Variants in EGLN1 observed in about 807,000 individuals in gnomAD.
EGLN1 encodes the protein egl nine homolog 1.
Under a neutral mutation model 38.3 loss-of-function variants are expected in EGLN1, and 17 were observed. That is an observed-to-expected ratio of 0.44 (90% CI 0.30 to 0.67). The LOEUF is 0.67. Among genes scored for constraint, EGLN1 ranks in the 30% least tolerant of loss-of-function variants. The pLI, the probability that EGLN1 is intolerant of heterozygous loss-of-function variation, is 0.08. For synonymous variants in EGLN1, 283 were observed against 257.5 expected, an observed-to-expected ratio of 1.10 and a Z score of -0.95; for missense variants, 477 against 603.3, an observed-to-expected ratio of 0.79 and a Z score of 2.19.
chr1:231,370,316 G>A (rs889651238), intron 3 of EGLN1, among the ~76,000 whole-genome samples: 10 of 152,186 alleles, frequency 6.6e-5, no homozygotes, highest in African/African-American at 2.4e-4. Context: ...GAAGGCCTGT[G>A]CTTCCCTTTC....
chr1:231,373,891 G>T, intron 2 of EGLN1, 89 bp downstream of exon 2: 1 of 1,487,044 alleles, frequency 6.7e-7, no homozygotes, highest in Non-Finnish European at 9.3e-7. Flanking sequence ...AACTGTGTCT[G>T]TGACAGTCTT....
intron 1 of EGLN1, among the ~76,000 whole-genome samples, chr1:231,382,495 T>C (rs1051119551): frequency 1.3e-5 from 2 of 152,236 alleles, no homozygotes; most frequent in African/African-American, 4.8e-5. Flanking sequence ...ACATAGTGGA[T>C]ATTAGAAATT....
At position 231,364,819 on chromosome 1, in the gene EGLN1, A is replaced by C. The variant is rs1045900864; in HGVS notation, c.*1592T>G. On this transcript the variant is annotated 3_prime_UTR_variant, in exon 5 of 5. Transcript: ENST00000366641. ...CCTAAGTGGGCAAGGTCTTACACCCATAATTCACGCAAAATATGGATACCA... is the reference window on the plus strand; with the variant it reads ...CCTAAGTGGGCAAGGTCTTACACCCCTAATTCACGCAAAATATGGATACCA... The C allele has an allele frequency of 6.6e-6, 1 of 152,238 alleles. No individual in the cohort carries two copies. The highest frequency in any genetic ancestry group is 1.5e-5 in the Non-Finnish European group (1 of 68,030). The allele number at this position is 152,238 out of a possible 1,614,324, so 9.4% of individuals were successfully genotyped here. A position where few individuals can be genotyped will look rare whatever the true frequency, so the allele number is the denominator to read the frequency against.
At chr1:231,411,273 G>A (rs1558395828) in intron 1 of EGLN1, among the ~76,000 whole-genome samples, 2 of 152,112 alleles carry the variant, frequency 1.3e-5, no homozygotes, top group African/African-American at 4.8e-5. Flanking sequence ...GCCTCCTTCT[G>A]TCACGTAAGA....
At chr1:231,412,257 G>A (rs535150111) in intron 1 of EGLN1, among the ~76,000 whole-genome samples, 2 of 152,114 alleles carry the variant, frequency 1.3e-5, no homozygotes, top group East Asian at 1.9e-4. Context: ...ATAGTCATGT[G>A]TATCATACAG....
chr1:231,421,285 TGCACG>T lies in EGLN1; in HGVS notation c.599_603del (p.Pro200HisfsTer45). 1 of 1,613,378 alleles carries T rather than the reference TGCACG, an allele frequency of 6.2e-7. No homozygotes were observed. Among genetic ancestry groups the T allele is most frequent in the Non-Finnish European group, 8.5e-7 (1 of 1,179,952 alleles). ...ACCACACAGATGCCGTGCTTGTTCA[TGCACG>T]GCACGATGTACTCGAGCGCCAGCTT... On this transcript the variant is annotated frameshift_variant, in exon 1 of 5. Coordinates refer to ENST00000366641, the MANE Select transcript of EGLN1 (RefSeq NM_022051.3). LOFTEE classifies it high-confidence loss of function. This position sits in a 1 kb window ranked among gnomAD's most constrained non-coding sequence, Gnocchi z 5.5.
intron 1 of EGLN1, among the ~76,000 whole-genome samples, chr1:231,404,499 C>T (rs1430492909): frequency 6.6e-6 from 1 of 151,868 alleles, no homozygotes; most frequent in Non-Finnish European, 1.5e-5. Flanking sequence ...AAAATAAGGC[C>T]AGGCACAGTG....
chr1:231,384,600 AGAG>A (rs897887789), intron 1 of EGLN1, among the ~76,000 whole-genome samples: 1 of 152,096 alleles, frequency 6.6e-6, no homozygotes, highest in African/African-American at 2.4e-5. Flanking sequence ...GTGTGACTGG[AGAG>A]GAGGGAGGAA....
chr1:231,381,297 A>G (rs547787770), intron 1 of EGLN1, among the ~76,000 whole-genome samples: 1 of 152,314 alleles, frequency 6.6e-6, no homozygotes, highest in African/African-American at 2.4e-5. Flanking sequence ...TGTGTGGAAG[A>G]GTATGTTAAT....
chr1:231,392,875 G>A (rs1688428801), intron 1 of EGLN1, among the ~76,000 whole-genome samples: 1 of 152,140 alleles, frequency 6.6e-6, no homozygotes, highest in African/African-American at 2.4e-5. Flanking sequence ...CTTTCCAGGT[G>A]CCTCATTTAC....
intron 1 of EGLN1, among the ~76,000 whole-genome samples, chr1:231,415,854 T>TC (rs1689066797): frequency 1.3e-5 from 2 of 151,186 alleles, no homozygotes; most frequent in Admixed American, 1.3e-4. Context: ...TATCTTTCTT[T>TC]TTTTTTTTTT....
chr1:231,406,956 T>C (rs949629229), intron 1 of EGLN1, among the ~76,000 whole-genome samples: 2 of 152,190 alleles, frequency 1.3e-5, no homozygotes, highest in African/African-American at 4.8e-5. Flanking sequence ...TCCAAAATAC[T>C]TTGGGTTGTA....
At chr1:231,384,670 T>C (rs1302305465) in intron 1 of EGLN1, among the ~76,000 whole-genome samples, 2 of 152,070 alleles carry the variant, frequency 1.3e-5, no homozygotes, top group African/African-American at 4.8e-5. Context: ...ACGCACATCA[T>C]GGAGGGTTTT....
In EGLN1 at chr1:231,415,391, C is replaced by A. The variant is rs559970077; in HGVS notation, c.891+5607G>T. On this transcript the variant is annotated intron_variant, in intron 1 of 4. Transcript: ENST00000366641. ...TTGATTTTGTCACCAGCTCTATGACCTTGAAGAAGTTAATCTCTCTGGGAC... is the reference window on the plus strand; with the variant it reads ...TTGATTTTGTCACCAGCTCTATGACATTGAAGAAGTTAATCTCTCTGGGAC... Among the ~76,000 whole-genome samples the A allele has an allele frequency of 9.2e-5, 14 of 151,946 alleles. No individual in the cohort carries two copies. In the South Asian group the frequency reaches 1.2e-3, roughly 14 times the overall value.
At chr1:231,376,948 G>A (rs777432237) in intron 1 of EGLN1, among the ~76,000 whole-genome samples, 1 of 152,196 alleles carries the variant, frequency 6.6e-6, no homozygotes, top group Non-Finnish European at 1.5e-5. Flanking sequence ...TGTGATCAGA[G>A]AGGAACCAGG....
chr1:231,415,507 T>C (rs1447595212), intron 1 of EGLN1, among the ~76,000 whole-genome samples: 1 of 152,148 alleles, frequency 6.6e-6, no homozygotes, highest in Non-Finnish European at 1.5e-5. Context: ...TGGGTGATCA[T>C]TCTAAGCCCT....
intron 1 of EGLN1, among the ~76,000 whole-genome samples, chr1:231,388,485 CTCTG>C (rs1252778636): frequency 2.6e-5 from 4 of 152,164 alleles, no homozygotes; most frequent in South Asian, 2.1e-4. Flanking sequence ...CTGTCTCGCT[CTCTG>C]TCTGTCTCAG....
intron 1 of EGLN1, among the ~76,000 whole-genome samples, chr1:231,397,810 C>A (rs1296631063): frequency 6.6e-6 from 1 of 152,078 alleles, no homozygotes; most frequent in African/African-American, 2.4e-5. Flanking sequence ...GCACCTAAAC[C>A]CTAAGGAGAA....
chr1:231,403,386 G>T (rs1360068402), intron 1 of EGLN1, among the ~76,000 whole-genome samples: 1 of 152,048 alleles, frequency 6.6e-6, no homozygotes, highest in Non-Finnish European at 1.5e-5. Context: ...ATCAGATTTT[G>T]CTTCATCTAC....
Sources: allele counts gnomAD v4.1 joint callset (sites outside exome capture counted in the v4.1 genomes callset), GRCh38; gene constraint gnomAD v4.1.1; non-coding constraint Gnocchi (gnomAD v3.1); transcripts MANE v1.5; gene names NCBI Gene and HGNC (gene_info 2026-07-23, HGNC 2026-07-21).